XPA: variants seen among roughly 807,000 people sequenced by gnomAD.
XPA encodes the protein XPA, DNA damage recognition and repair factor.
A neutral mutation model predicts 35.7 loss-of-function variants in XPA; 27 were observed. The ratio of observed to expected loss-of-function variants is 0.76; its 90% confidence interval spans 0.56 to 1.04. The LOEUF (loss-of-function observed/expected upper bound fraction) is 1.04, where lower values mean the gene tolerates loss of function less well. Among genes scored for constraint, XPA ranks in the 50% least tolerant of loss-of-function variants. The pLI, the probability that XPA is intolerant of heterozygous loss-of-function variation, is 0.00. For missense variants in XPA, 354 were observed against 342.7 expected (o/e 1.03, Z -0.26); for synonymous variants, 133 against 118.4 (o/e 1.12, Z -0.80).
chr9:97,684,812 TAA>T, intron 5 of XPA, 109 bp downstream of exon 5: 1 of 1,025,970 alleles, frequency 9.7e-7, no homozygotes, highest in Non-Finnish European at 1.5e-6. Flanking sequence ...TTTCAACCTC[TAA>T]AAAACACATT....
At chr9:97,689,418 C>T (rs1037592659) in intron 3 of XPA, 116 bp downstream of exon 3, 6 of 737,062 alleles carry the variant, frequency 8.1e-6, no homozygotes, top group Admixed American at 7.2e-5. Flanking sequence ...TTAGGAAACA[C>T]CCAAAATGAA....
intron 2 of XPA, among the ~76,000 whole-genome samples, chr9:97,691,781 G>C (rs1828895897): frequency 6.6e-6 from 1 of 151,720 alleles, no homozygotes; most frequent in Non-Finnish European, 1.5e-5. Context: ...TACTTGGGAG[G>C]CTGAGGTAAG....
At chr9:97,684,782 G>A in intron 5 of XPA, 141 bp downstream of exon 5, 1 of 764,044 alleles carries the variant, frequency 1.3e-6, no homozygotes, top group South Asian at 1.5e-5. Context: ...ACATACTGAG[G>A]GCAAACTGTA....
chr9:97,658,788 C>G, the XPA span: 1 of 1,380,040 alleles, frequency 7.2e-7, no homozygotes, highest in South Asian at 1.2e-5. Flanking sequence ...GGTACCAGTT[C>G]AAGTATATCT....
intron 5 of XPA, 56 bp downstream of exon 5, chr9:97,684,867 G>A: frequency 6.9e-7 from 1 of 1,445,768 alleles, no homozygotes; most frequent in South Asian, 1.1e-5. Context: ...CTAGCTAAAG[G>A]CTTTTTGCAA....
chr9:97,689,468 T>G (rs1386673940), intron 3 of XPA, 66 bp downstream of exon 3: 8 of 946,700 alleles, frequency 8.5e-6, no homozygotes, highest in Non-Finnish European at 1.2e-5. Context: ...CAAACAGATA[T>G]AACTTGTTTT....
the XPA span, chr9:97,664,544 T>C: frequency 1.4e-6 from 1 of 732,498 alleles, no homozygotes; most frequent in Non-Finnish European, 2.2e-6. Flanking sequence ...CAGGTTGATA[T>C]TAATATACTA....
chr9:97,661,708 A>G, the XPA span, among the ~76,000 whole-genome samples: 1 of 151,216 alleles, frequency 6.6e-6, no homozygotes, highest in Non-Finnish European at 1.5e-5. Flanking sequence ...ATGTTGTCAG[A>G]CATCTTAAGA....
chr9:97,694,972 ATGTTGCGCAAAAAAAGCCAGATACTG>A (rs1828998330), intron 1 of XPA, among the ~76,000 whole-genome samples: 1 of 152,208 alleles, frequency 6.6e-6, no homozygotes, highest in Non-Finnish European at 1.5e-5. Context: ...CTCAGATACT[ATGTTGCGCAAAAAAAGCCAGATACTG>A]TATGACTCAA....
chr9:97,691,697 G>A (rs932790379), intron 2 of XPA, among the ~76,000 whole-genome samples: 3 of 151,798 alleles, frequency 2.0e-5, no homozygotes, highest in African/African-American at 7.3e-5. Context: ...TGGGCAACAA[G>A]AGTGAAACTC....
downstream of XPA, chr9:97,671,483 T>C: frequency 3.2e-6 from 1 of 311,512 alleles, no homozygotes; most frequent in Non-Finnish European, 6.0e-6. Context: ...AGGCACAAAA[T>C]AATTGGTTTG....
intron 3 of XPA, among the ~76,000 whole-genome samples, chr9:97,689,225 G>C (rs868658105): frequency 1.4e-4 from 22 of 152,070 alleles, no homozygotes; most frequent in South Asian, 6.2e-4. Context: ...TGAAGAGAAG[G>C]GTTAGCAGCC....
chr9:97,663,042 C>A, the XPA span: 2 of 1,605,004 alleles, frequency 1.2e-6, no homozygotes, highest in Non-Finnish European at 1.7e-6. Context: ...GAGGAACCAT[C>A]CACAGGTAAA....
chr9:97,682,367 A>G (rs1294966198), intron 5 of XPA: 1 of 518,758 alleles, frequency 1.9e-6, no homozygotes, highest in Non-Finnish European at 3.8e-6. Flanking sequence ...CTTGTGTCTA[A>G]TCTCTACAGT....
chr9:97,675,135 G>T lies in XPA; in HGVS notation c.*304C>A, dbSNP rs948921595. On this transcript the variant is annotated 3_prime_UTR_variant, in exon 6 of 6. Coordinates refer to ENST00000375128, the MANE Select transcript of XPA (RefSeq NM_000380.4). ...CTACCCCAATCTAGGGTTTGCCTTGGTATCTTGTCCTCAAATTTGTAGCTG... is the reference window on the plus strand; with the variant it reads ...CTACCCCAATCTAGGGTTTGCCTTGTTATCTTGTCCTCAAATTTGTAGCTG... 1.1e-5 allele frequency: 6 copies of T among 561,202 alleles called. No homozygotes were observed. Among genetic ancestry groups the T allele is most frequent in the African/African-American group, 1.8e-5 (1 of 54,738 alleles). The allele number at this position is 561,202 out of a possible 1,614,324, so 34.8% of individuals were successfully genotyped here.
chr9:97,675,667 G>GC (rs1828340124), intron 5 of XPA, 80 bp from the exon 6 acceptor site: 1 of 1,534,146 alleles, frequency 6.5e-7, no homozygotes, highest in Non-Finnish European at 9.0e-7. Flanking sequence ...CAAGCTTTCA[G>GC]CCATGTACAT....
intron 5 of XPA, among the ~76,000 whole-genome samples, chr9:97,680,468 TGAAGTGTTGGGATTACA>T (rs1032242506): frequency 1.5e-4 from 23 of 152,210 alleles, no homozygotes; most frequent in South Asian, 6.2e-4. Flanking sequence ...CTCGGCCTCC[TGAAGTGTTGGGATTACA>T]GAAGTGTTGG....
the XPA span, chr9:97,661,186 C>G: frequency 7.9e-7 from 1 of 1,271,810 alleles, no homozygotes; most frequent in Non-Finnish European, 1.1e-6. Context: ...TTGACCTGTT[C>G]AGACTGTTGT....
At chr9:97,657,923 TATA>T in the XPA span, among the ~76,000 whole-genome samples, 632 of 115,972 alleles carry the variant, frequency 5.4e-3, 4 homozygotes, top group African/African-American at 0.02. Context: ...TATATATATA[TATA>T]TTTTTTTTTT....
Sources: gnomAD v4.1 joint callset for allele counts (sites outside exome capture counted in the v4.1 genomes callset) on GRCh38, gnomAD v4.1.1 for gene constraint, MANE v1.5 for transcripts, NCBI Gene and HGNC (gene_info 2026-07-23, HGNC 2026-07-21) for gene names.